The following DKK2 variants were observed in gnomAD, a reference collection of about 807,000 sequenced individuals.
The protein encoded by DKK2 is dickkopf-related protein 2.
In DKK2, 11 loss-of-function variants were observed where a neutral mutation model predicts 28.1. That is an observed-to-expected ratio of 0.39 (90% CI 0.25 to 0.65). DKK2 has a LOEUF of 0.65. Among genes scored for constraint, DKK2 ranks in the 30% least tolerant of loss-of-function variants. DKK2 has a pLI of 0.47. For synonymous variants in DKK2, 135 were observed against 126.5 expected (o/e 1.07, Z -0.45); for missense variants, 326 against 335.5 (o/e 0.97, Z 0.22).
rs373689785 is a variant in DKK2, at chr4:106,987,951, G to A, written c.222+47419C>T. On this transcript the variant is annotated intron_variant, in intron 1 of 3. Transcript: ENST00000285311. The stretch of plus-strand genomic sequence containing the variant: ...ACAATCTCGGCTCACTGCAACTTCC[G>A]CCTCCCGGGTTCAAGCAATTCTCCT... Among the ~76,000 whole-genome samples the A allele has an allele frequency of 4.7e-4, 70 of 148,884 alleles. No homozygotes were observed. The East Asian group carries it at 9.0e-3, about 19-fold the overall frequency.
rs535179303 is a variant in DKK2 at position 107,013,910 on chromosome 4, A to G, written c.222+21460T>C. On this transcript the variant is annotated intron_variant, in intron 1 of 3. Coordinates refer to ENST00000285311, the MANE Select transcript of DKK2 (RefSeq NM_014421.3). ...TAATAGACATTTTTCAAAAGAAGAG[A>G]TATTATATGACAAAATGCTAAACAT... Among the ~76,000 whole-genome samples the G allele has an allele frequency of 2.1e-4, 32 of 151,668 alleles. No individual in the cohort carries two copies. In the South Asian group the frequency reaches 2.5e-3, roughly 12 times the overall value.
At chr4:106,973,358 G>T (rs887459852) in intron 1 of DKK2, among the ~76,000 whole-genome samples, 2 of 152,196 alleles carry the variant, frequency 1.3e-5, no homozygotes, top group African/African-American at 4.8e-5. Flanking sequence ...CACCAACAGT[G>T]TAAAAGTGTT....
At chr4:106,943,586 T>A (rs1328190203) in intron 1 of DKK2, among the ~76,000 whole-genome samples, 1 of 152,030 alleles carries the variant, frequency 6.6e-6, no homozygotes, top group Non-Finnish European at 1.5e-5. Context: ...ATTATATGTA[T>A]TTGAGAAGAA....
At chr4:107,022,803 A>G (rs1391576591) in intron 1 of DKK2, among the ~76,000 whole-genome samples, 2 of 152,100 alleles carry the variant, frequency 1.3e-5, no homozygotes, top group Non-Finnish European at 1.5e-5. Context: ...AAGGATTAAT[A>G]TTAGGGAAGA....
chr4:107,016,996 CA>C (rs1445704831), intron 1 of DKK2, among the ~76,000 whole-genome samples: 1 of 151,822 alleles, frequency 6.6e-6, no homozygotes, highest in African/African-American at 2.4e-5. Flanking sequence ...GCTGGAAGAC[CA>C]TTAAGTCACA....
rs368873609 is a variant in DKK2, at chr4:107,005,647, T to G, written c.222+29723A>C. 1.1e-4 allele frequency among the ~76,000 whole-genome samples: 16 copies of G among 152,260 alleles called. No individual in the cohort carries two copies. The East Asian group carries it at 3.1e-3, about 29-fold the overall frequency. On this transcript the variant is annotated intron_variant, in intron 1 of 3. Transcript: ENST00000285311. Reference sequence around the variant, plus strand: ...CTCCCCACGAGTCCCATTTACATTATTTTTCTGAACTTGCAATTAAAGAGG... The same window carrying G: ...CTCCCCACGAGTCCCATTTACATTAGTTTTCTGAACTTGCAATTAAAGAGG...
At position 107,035,632 on chromosome 4, in the gene DKK2, G is replaced by A; in HGVS notation, c.-41C>T. On this transcript the variant is annotated 5_prime_UTR_variant, in exon 1 of 4. Coordinates refer to ENST00000285311, the MANE Select transcript of DKK2 (RefSeq NM_014421.3). ...TCCCCAGGAAGACGCAAAGCCCGGA[G>A]GGGTGGGAATGCAAAGGGAGGGAGG... The A allele has an allele frequency of 3.7e-6, 6 of 1,606,632 alleles. No individual in the cohort carries two copies. Among genetic ancestry groups the A allele is most frequent in the Non-Finnish European group, 5.1e-6 (6 of 1,177,086 alleles).
chr4:106,945,485 C>CT (rs1168110776), intron 1 of DKK2, among the ~76,000 whole-genome samples: 1 of 152,042 alleles, frequency 6.6e-6, no homozygotes, highest in African/African-American at 2.4e-5. Flanking sequence ...GTACATAGAG[C>CT]TTTTTGTCTT....
At chr4:106,966,517 A>T (rs1011548312) in intron 1 of DKK2, among the ~76,000 whole-genome samples, 1 of 152,196 alleles carries the variant, frequency 6.6e-6, no homozygotes, top group African/African-American at 2.4e-5. Context: ...TAGAAACTAA[A>T]CTAAATGTCT....
intron 1 of DKK2, among the ~76,000 whole-genome samples, chr4:106,995,314 T>C (rs1206182915): frequency 6.6e-6 from 1 of 152,176 alleles, no homozygotes; most frequent in Non-Finnish European, 1.5e-5. Flanking sequence ...CGACTTTCTA[T>C]AAAATTTATA....
intron 1 of DKK2, among the ~76,000 whole-genome samples, chr4:106,950,938 C>T (rs544934203): frequency 3.3e-5 from 5 of 152,154 alleles, no homozygotes; most frequent in South Asian, 2.1e-4. Context: ...TTACCAGCCC[C>T]GCAAGTCTAC....
At chr4:106,928,577 A>G (rs1413775963) in intron 1 of DKK2, among the ~76,000 whole-genome samples, 2 of 152,180 alleles carry the variant, frequency 1.3e-5, no homozygotes, top group East Asian at 1.9e-4. Context: ...TCAAGAAGGG[A>G]TGAAATAAAT....
At chr4:106,938,230 A>G (rs1462394453) in intron 1 of DKK2, among the ~76,000 whole-genome samples, 1 of 150,674 alleles carries the variant, frequency 6.6e-6, no homozygotes, top group African/African-American at 2.5e-5. Context: ...AGCAAGACTA[A>G]TAAAGAAAAA....
At chr4:107,022,577 G>A (rs1254923097) in intron 1 of DKK2, among the ~76,000 whole-genome samples, 1 of 152,102 alleles carries the variant, frequency 6.6e-6, no homozygotes, top group Non-Finnish European at 1.5e-5. Context: ...ATGACATTGT[G>A]TGCCATGATG....
chr4:107,034,019 C>A (rs1418527553), intron 1 of DKK2, among the ~76,000 whole-genome samples: 1 of 152,106 alleles, frequency 6.6e-6, no homozygotes, highest in African/African-American at 2.4e-5. Flanking sequence ...ATTTTGTAAT[C>A]CCTTGAAAGG....
intron 1 of DKK2, among the ~76,000 whole-genome samples, chr4:106,929,072 C>T (rs1474370421): frequency 1.3e-5 from 2 of 152,260 alleles, no homozygotes; most frequent in African/African-American, 4.8e-5. Context: ...TTTCCATTTA[C>T]TTTGACCTCC....
At chr4:107,005,608 T>C (rs142693886) in intron 1 of DKK2, among the ~76,000 whole-genome samples, 253 of 152,244 alleles carry the variant, frequency 1.7e-3, no homozygotes, top group African/African-American at 6.0e-3. Context: ...GTGTATGCTA[T>C]GAATGCAGTC....
intron 1 of DKK2, among the ~76,000 whole-genome samples, chr4:106,929,099 T>G (rs1724464791): frequency 6.6e-6 from 1 of 152,218 alleles, no homozygotes; most frequent in Non-Finnish European, 1.5e-5. Context: ...CATTGTCTAG[T>G]CTCATTTGAT....
chr4:106,953,028 T>C (rs1306527938), intron 1 of DKK2, among the ~76,000 whole-genome samples: 1 of 152,226 alleles, frequency 6.6e-6, no homozygotes, highest in African/African-American at 2.4e-5. Context: ...TCCATATTTT[T>C]GAATATCTGC....
Sources: allele counts gnomAD v4.1 joint callset (sites outside exome capture counted in the v4.1 genomes callset), GRCh38; gene constraint gnomAD v4.1.1; transcripts MANE v1.5; gene names NCBI Gene and HGNC (gene_info 2026-07-23, HGNC 2026-07-21).